Variants in ASTN2 observed in about 807,000 individuals in gnomAD.
ASTN2 encodes astrotactin-2.
Under a neutral mutation model 139.8 loss-of-function variants are expected in ASTN2, and 54 were observed. That is an observed-to-expected ratio of 0.39 (90% CI 0.31 to 0.48). The LOEUF (loss-of-function observed/expected upper bound fraction) is 0.48. Among genes scored for constraint, ASTN2 ranks in the 20% least tolerant of loss-of-function variants. The pLI, the probability that ASTN2 is intolerant of heterozygous loss-of-function variation, is 0.95. For synonymous variants in ASTN2, 756 were observed against 719.5 expected (o/e 1.05, Z -0.81); for missense variants, 1,565 against 1,725.1 (o/e 0.91, Z 1.64).
At chr9:117,291,167 G>A (rs1360709979) in intron 2 of ASTN2, among the ~76,000 whole-genome samples, 159 bp downstream of exon 2, 1 of 152,252 alleles carries the variant, frequency 6.6e-6, no homozygotes, top group African/African-American at 2.4e-5. Context: ...ATCAGTCCAA[G>A]TGACATCACA....
At chr9:116,995,751 T>C (rs1039433763) in intron 7 of ASTN2, among the ~76,000 whole-genome samples, 2 of 152,196 alleles carry the variant, frequency 1.3e-5, no homozygotes, top group African/African-American at 4.8e-5. Context: ...TGTGATTTAG[T>C]TTCCTCACTT....
intron 19 of ASTN2, chr9:116,582,426 T>A (rs1853986583): frequency 6.6e-6 from 1 of 152,248 alleles, no homozygotes; most frequent in African/African-American, 2.4e-5. Flanking sequence ...ATGTGCCACA[T>A]ACTAATGTCC....
intron 6 of ASTN2, among the ~76,000 whole-genome samples, chr9:117,026,679 G>A (rs1458190590): frequency 6.6e-6 from 1 of 151,904 alleles, no homozygotes; most frequent in Non-Finnish European, 1.5e-5. Flanking sequence ...GCCAGCTTAG[G>A]CAACCTCAGA....
In ASTN2 at chr9:116,496,849, C is replaced by T. The variant is rs547128755; in HGVS notation, c.3356-9349G>A. Among the ~76,000 whole-genome samples the T allele has an allele frequency of 2.8e-4, 43 of 152,282 alleles. 1 individual carries two copies. In the South Asian group the frequency reaches 8.9e-3, roughly 32 times the overall value. The stretch of plus-strand genomic sequence containing the variant: ...GGGGAACTGTCCTTTATAAAACCAT[C>T]AGATCTCCTGAGAATTATTCACTAT... On this transcript the variant is annotated intron_variant, in intron 19 of 22. Coordinates refer to ENST00000313400, the MANE Select transcript of ASTN2 (RefSeq NM_001365068.1).
At chr9:117,125,833 G>GC (rs1174912025) in intron 4 of ASTN2, among the ~76,000 whole-genome samples, 1 of 151,824 alleles carries the variant, frequency 6.6e-6, no homozygotes, top group Admixed American at 6.6e-5. Flanking sequence ...TTGCGGCGGG[G>GC]GGGGGAATTG....
At chr9:117,155,029 G>A (rs1413411) in intron 3 of ASTN2, among the ~76,000 whole-genome samples, 75,122 of 151,666 alleles carry the variant, frequency 0.5, 19,268 homozygotes, top group East Asian at 0.68. Context: ...TACAGGAAGA[G>A]GAGCAAAAGA....
At chr9:117,235,577 A>T (rs960146386) in intron 2 of ASTN2, among the ~76,000 whole-genome samples, 41 of 152,168 alleles carry the variant, frequency 2.7e-4, no homozygotes, top group African/African-American at 9.9e-4. Context: ...CTACTACTAC[A>T]ACAAAATGGC....
Position 116,824,781 on chromosome 9 carries a change from C to CA in ASTN2, c.2041-3999dup, listed in dbSNP as rs537723007. Among the ~76,000 whole-genome samples the CA allele has an allele frequency of 2.3e-4, 35 of 152,310 alleles. No individual in the cohort carries two copies. The East Asian group carries it at 5.2e-3, about 23-fold the overall frequency. ...TGTATGCAGTACTTAGCACAGTGAT[C>CA]AACAAATAGTTCTGCTGTTATAGGT... On this transcript the variant is annotated intron_variant, in intron 11 of 22. Transcript: ENST00000313400.
At chr9:116,695,494 T>C (rs1157836422) in intron 16 of ASTN2, among the ~76,000 whole-genome samples, 1 of 152,236 alleles carries the variant, frequency 6.6e-6, no homozygotes, top group Admixed American at 6.5e-5. Flanking sequence ...TGTATATCTC[T>C]ACATTAACTC....
intron 2 of ASTN2, among the ~76,000 whole-genome samples, chr9:117,262,085 A>G (rs1833835221): frequency 6.6e-6 from 1 of 152,212 alleles, no homozygotes; most frequent in Non-Finnish European, 1.5e-5. Context: ...CGACATAAAC[A>G]AAAGAGTAAA....
At chr9:117,343,366 A>C (rs1358145342) in intron 1 of ASTN2, among the ~76,000 whole-genome samples, 1 of 152,178 alleles carries the variant, frequency 6.6e-6, no homozygotes, top group Non-Finnish European at 1.5e-5. Flanking sequence ...CTGAAGAATC[A>C]ATTTGAAAGC....
At chr9:117,246,184 A>C (rs1013428105) in intron 2 of ASTN2, among the ~76,000 whole-genome samples, 4 of 152,250 alleles carry the variant, frequency 2.6e-5, no homozygotes, top group African/African-American at 9.6e-5. Flanking sequence ...TGATACACAA[A>C]TGTGAGGAAT....
chr9:117,357,942 G>A (rs752382242), intron 1 of ASTN2, among the ~76,000 whole-genome samples: 5 of 152,114 alleles, frequency 3.3e-5, no homozygotes, highest in Admixed American at 2.0e-4. Flanking sequence ...TTTTTGTGAC[G>A]TGGGCAAGTC....
chr9:117,292,547 A>C (rs1028762374), intron 1 of ASTN2, among the ~76,000 whole-genome samples: 2 of 152,182 alleles, frequency 1.3e-5, no homozygotes, highest in Non-Finnish European at 2.9e-5. Context: ...CATTCAAGGG[A>C]GACAAACAGG....
In ASTN2 at chr9:117,214,709, C is replaced by CCAGCAGCAG. The variant is rs750505669; in HGVS notation, c.655_663dup (p.Leu219_Leu221dup). ...TGGGCGTACAGCGCCACGGTGAACA[C>CCAGCAGCAG]CAGCAGCAGCAGCAGCAGCGCGATG... On this transcript the variant is annotated inframe_insertion, in exon 3 of 23. Transcript: ENST00000313400. 3 of 1,510,184 alleles carry CCAGCAGCAG rather than the reference C, an allele frequency of 2.0e-6. No homozygotes were observed. The highest frequency in any genetic ancestry group is 1.3e-5 in the South Asian group (1 of 74,248). The allele number at this position is 1,510,184 out of a possible 1,614,324, so 93.5% of individuals were successfully genotyped here. A position where few individuals can be genotyped will look rare whatever the true frequency, so the allele number is the denominator to read the frequency against.
intron 13 of ASTN2, among the ~76,000 whole-genome samples, chr9:116,746,112 A>G (rs1775507573): frequency 1.4e-5 from 2 of 139,024 alleles, no homozygotes; most frequent in South Asian, 2.3e-4. Context: ...TTTGAGACAG[A>G]GTCTTGCTCT....
intron 7 of ASTN2, among the ~76,000 whole-genome samples, chr9:116,991,586 TAAA>T (rs5900249): frequency 2.0e-4 from 29 of 141,696 alleles, no homozygotes; most frequent in Middle Eastern, 3.8e-3. Context: ...TCCCTCTTAT[TAAA>T]AAAAAAAAAA....
At chr9:116,482,334 A>G (rs973293856) in intron 20 of ASTN2, among the ~76,000 whole-genome samples, 1 of 152,118 alleles carries the variant, frequency 6.6e-6, no homozygotes, top group Non-Finnish European at 1.5e-5. Flanking sequence ...TCAAAACAAA[A>G]CAAAACAAAA....
At chr9:116,716,345 T>G (rs113653533) in intron 16 of ASTN2, among the ~76,000 whole-genome samples, 1 of 152,190 alleles carries the variant, frequency 6.6e-6, no homozygotes, top group African/African-American at 2.4e-5. Flanking sequence ...CTGCCATTTA[T>G]AAGTACATGG....
Sources: allele counts gnomAD v4.1 joint callset (sites outside exome capture counted in the v4.1 genomes callset), GRCh38; gene constraint gnomAD v4.1.1; transcripts MANE v1.5; gene names NCBI Gene and HGNC (gene_info 2026-07-23, HGNC 2026-07-21).